STXBP5L: variants seen among roughly 807,000 people sequenced by gnomAD.
STXBP5L encodes syntaxin binding protein 5L.
Under a neutral mutation model 144.5 loss-of-function variants are expected in STXBP5L, and 65 were observed. The ratio of observed to expected loss-of-function variants is 0.45; its 90% CI spans 0.37 to 0.55. The LOEUF is 0.55. STXBP5L is among the 20% of genes least tolerant of loss of function. STXBP5L has a pLI of 0.00. For synonymous variants in STXBP5L, 505 were observed against 469.6 expected, an observed-to-expected ratio of 1.08 and a Z score of -0.97; for missense variants, 1,298 against 1,405.5, an observed-to-expected ratio of 0.92 and a Z score of 1.22.
chr3:121,292,627 A>C (rs1233175573), intron 19 of STXBP5L, among the ~76,000 whole-genome samples: 1 of 152,210 alleles, frequency 6.6e-6, no homozygotes, highest in East Asian at 1.9e-4. Flanking sequence ...TTGCAATAAT[A>C]TGGAACCAAC....
intron 20 of STXBP5L, among the ~76,000 whole-genome samples, chr3:121,333,705 C>A (rs1354185245): frequency 6.6e-6 from 1 of 151,932 alleles, no homozygotes; most frequent in African/African-American, 2.4e-5. Flanking sequence ...ACCACTGACC[C>A]CAAAGAAATA....
In STXBP5L at chr3:121,040,555, C is replaced by T. The variant is rs1419577197; in HGVS notation, c.288-1145C>T. Reference sequence around the variant, plus strand: ...CTTCAAACTTATTCCTTCCTTAGTACTTAGCTAAAGATTTGAGGAAGACCC... The same window carrying T: ...CTTCAAACTTATTCCTTCCTTAGTATTTAGCTAAAGATTTGAGGAAGACCC... On this transcript the variant is annotated intron_variant, in intron 3 of 26. Transcript: ENST00000471454. Among the ~76,000 whole-genome samples, 2 of 151,996 alleles carry T rather than the reference C, an allele frequency of 1.3e-5. 1 individual carries two copies. The highest frequency in any genetic ancestry group is 6.3e-3 in the Middle Eastern group (2 of 316).
intron 6 of STXBP5L, among the ~76,000 whole-genome samples, chr3:121,120,455 A>C (rs1238129279): frequency 6.6e-6 from 1 of 151,266 alleles, no homozygotes; most frequent in Non-Finnish European, 1.5e-5. Flanking sequence ...CAATTATCAC[A>C]TCAATCATAA....
At chr3:121,341,931 A>T (rs2044728075) in intron 20 of STXBP5L, among the ~76,000 whole-genome samples, 1 of 152,056 alleles carries the variant, frequency 6.6e-6, no homozygotes, top group African/African-American at 2.4e-5. Context: ...ATTTCCTAGC[A>T]CAACATGACT....
intron 5 of STXBP5L, among the ~76,000 whole-genome samples, chr3:121,111,989 T>C (rs561642984): frequency 5.0e-4 from 76 of 152,130 alleles, no homozygotes; most frequent in Non-Finnish European, 8.1e-4. Context: ...GGGTCCAGCT[T>C]AAAGAGGCAG....
intron 16 of STXBP5L, among the ~76,000 whole-genome samples, chr3:121,255,432 T>G (rs1197177509): frequency 6.6e-6 from 1 of 152,026 alleles, no homozygotes; most frequent in Non-Finnish European, 1.5e-5. Context: ...ATGAGTTGCA[T>G]CTACCTGGCC....
intron 9 of STXBP5L, among the ~76,000 whole-genome samples, chr3:121,203,721 T>C: frequency 6.6e-6 from 1 of 152,204 alleles, no homozygotes; most frequent in Non-Finnish European, 1.5e-5. Context: ...AATTGATGAC[T>C]CTGATGTATA....
intron 5 of STXBP5L, among the ~76,000 whole-genome samples, chr3:121,062,921 G>C (rs544397252): frequency 6.6e-6 from 1 of 152,038 alleles, no homozygotes; most frequent in Non-Finnish European, 1.5e-5. Context: ...CTTTTTTCTA[G>C]GTTCTTAGCT....
intron 20 of STXBP5L, among the ~76,000 whole-genome samples, chr3:121,355,307 A>G (rs1286473881): frequency 2.0e-5 from 3 of 152,076 alleles, no homozygotes; most frequent in African/African-American, 4.8e-5. Context: ...CATTCTCCCT[A>G]TGACTTTCAG....
At chr3:121,387,642 A>C (rs139847324) in intron 22 of STXBP5L, among the ~76,000 whole-genome samples, 28,911 of 152,086 alleles carry the variant, frequency 0.19, 3,489 homozygotes, top group East Asian at 0.57. Context: ...GTTTTCCCAG[A>C]ACCATTTATT....
intron 2 of STXBP5L, among the ~76,000 whole-genome samples, chr3:120,949,174 T>C (rs1185983347): frequency 6.6e-6 from 1 of 152,066 alleles, no homozygotes; most frequent in Non-Finnish European, 1.5e-5. Context: ...CTTGAGCATT[T>C]TTCATGTTTG....
At chr3:121,070,457 C>T (rs1401488998) in intron 5 of STXBP5L, among the ~76,000 whole-genome samples, 1 of 152,144 alleles carries the variant, frequency 6.6e-6, no homozygotes, top group East Asian at 1.9e-4. Context: ...GGGTGTCACA[C>T]TTTGCAGCAA....
intron 3 of STXBP5L, among the ~76,000 whole-genome samples, chr3:120,970,410 A>G (rs939745100): frequency 6.6e-6 from 1 of 152,036 alleles, no homozygotes; most frequent in Non-Finnish European, 1.5e-5. Flanking sequence ...TTGTTTGGGA[A>G]TCTTTGAATG....
At chr3:121,397,193 C>CT (rs1420685045) in intron 22 of STXBP5L, among the ~76,000 whole-genome samples, 1 of 152,172 alleles carries the variant, frequency 6.6e-6, no homozygotes, top group Non-Finnish European at 1.5e-5. Flanking sequence ...TCTTGCTCAG[C>CT]TAAGGGGATA....
In STXBP5L at chr3:121,101,562, G is replaced by A. The variant is rs141055555; in HGVS notation, c.471-13363G>A. Among the ~76,000 whole-genome samples the A allele has an allele frequency of 7.2e-5, 11 of 151,982 alleles. No homozygotes were observed. In the East Asian group the frequency reaches 2.1e-3, roughly 29 times the overall value. On this transcript the variant is annotated intron_variant, in intron 5 of 26. Coordinates refer to ENST00000471454, the MANE Select transcript of STXBP5L (RefSeq NM_001308330.2). ...ATAATAAGAAACATCAACAAACTAG[G>A]CAACGAAGGAATATATACCATAGAA... is the stretch of plus-strand genomic sequence containing the variant.
chr3:121,304,913 C>A (rs890455778), intron 19 of STXBP5L, among the ~76,000 whole-genome samples: 1 of 151,588 alleles, frequency 6.6e-6, no homozygotes, highest in African/African-American at 2.4e-5. Flanking sequence ...CAAAACAGTT[C>A]TTCAAAAATA....
intron 19 of STXBP5L, among the ~76,000 whole-genome samples, chr3:121,304,288 A>C (rs2043257165): frequency 2.0e-5 from 3 of 152,220 alleles, no homozygotes; most frequent in Admixed American, 1.3e-4. Flanking sequence ...TCATTGCTGG[A>C]AATTCATCAT....
chr3:121,015,620 G>A (rs1221218735), intron 3 of STXBP5L, among the ~76,000 whole-genome samples: 1 of 152,176 alleles, frequency 6.6e-6, no homozygotes, highest in Non-Finnish European at 1.5e-5. Flanking sequence ...AACCCACCAG[G>A]TTCTCATGGT....
At chr3:120,990,552 A>T (rs1027464693) in intron 3 of STXBP5L, among the ~76,000 whole-genome samples, 1 of 152,196 alleles carries the variant, frequency 6.6e-6, no homozygotes, top group Admixed American at 6.5e-5. Flanking sequence ...ACCTGACTTC[A>T]AACTATACTA....
Sources: allele counts gnomAD v4.1 joint callset (sites outside exome capture counted in the v4.1 genomes callset), GRCh38; gene constraint gnomAD v4.1.1; transcripts MANE v1.5; gene names NCBI Gene and HGNC (gene_info 2026-07-23, HGNC 2026-07-21).